The following SLC24A2 variants were observed in gnomAD, a reference collection of about 807,000 sequenced individuals.
The protein encoded by SLC24A2 is sodium/potassium/calcium exchanger 2.
SLC24A2 carries 36 observed loss-of-function variants against 62.0 expected under a neutral mutation model. The ratio of observed to expected loss-of-function variants is 0.58; its 90% CI spans 0.44 to 0.77. The LOEUF (loss-of-function observed/expected upper bound fraction) is 0.77. Ranked by LOEUF, SLC24A2 falls within the 30% of genes least tolerant of loss-of-function variation. The probability of loss-of-function intolerance (pLI) is 0.00; values close to 1 mark genes in which losing one functional copy is unlikely to be tolerated. For missense variants in SLC24A2, 846 were observed against 817.9 expected (o/e 1.03, Z -0.42); for synonymous variants, 358 against 294.0 (o/e 1.22, Z -2.23).
chr9:19,524,208 T>C (rs1341659919), intron 9 of SLC24A2, among the ~76,000 whole-genome samples: 1 of 149,598 alleles, frequency 6.7e-6, no homozygotes, highest in African/African-American at 2.5e-5. Context: ...GCTCCCAATA[T>C]TTTGTGATGC....
At chr9:20,048,259 G>A in the SLC24A2 span, among the ~76,000 whole-genome samples, 7 of 152,282 alleles carry the variant, frequency 4.6e-5, no homozygotes, top group East Asian at 9.6e-4. Context: ...AATAGTTGTT[G>A]ACATTAAAAC....
At chr9:19,591,895 C>G (rs115235746) in intron 5 of SLC24A2, among the ~76,000 whole-genome samples, 2,133 of 152,302 alleles carry the variant, frequency 0.014, 50 homozygotes, top group African/African-American at 0.049. Flanking sequence ...GTGTATGACA[C>G]AATCTCATCC....
At chr9:19,767,911 G>A (rs1822568779) in intron 2 of SLC24A2, among the ~76,000 whole-genome samples, 1 of 152,216 alleles carries the variant, frequency 6.6e-6, no homozygotes, top group South Asian at 2.1e-4. Context: ...TCTAGAGGCT[G>A]CACCTGCTAA....
chr9:20,125,716 T>A, the SLC24A2 span, among the ~76,000 whole-genome samples: 1 of 152,130 alleles, frequency 6.6e-6, no homozygotes, highest in Non-Finnish European at 1.5e-5. Context: ...CTCTAGCCCA[T>A]GGTGGTGAGG....
At chr9:19,547,484 C>A (rs113067155) in intron 8 of SLC24A2, among the ~76,000 whole-genome samples, 2 of 152,136 alleles carry the variant, frequency 1.3e-5, no homozygotes, top group Admixed American at 6.5e-5. Flanking sequence ...CCAAAAGTTA[C>A]CAGTTAGGAA....
At chr9:20,267,342 A>G in the SLC24A2 span, among the ~76,000 whole-genome samples, 1 of 152,168 alleles carries the variant, frequency 6.6e-6, no homozygotes, top group Non-Finnish European at 1.5e-5. Flanking sequence ...TAAGTTTGGA[A>G]TAAGAATATG....
chr9:20,160,421 C>T, the SLC24A2 span, among the ~76,000 whole-genome samples: 2 of 151,178 alleles, frequency 1.3e-5, no homozygotes, highest in Non-Finnish European at 1.5e-5. Context: ...TATAAAAACC[C>T]TAAAAATTAT....
chr9:20,094,224 G>T, the SLC24A2 span, among the ~76,000 whole-genome samples: 1 of 152,176 alleles, frequency 6.6e-6, no homozygotes, highest in Non-Finnish European at 1.5e-5. Flanking sequence ...ACAGAAGAAT[G>T]ACTATCTTGA....
the SLC24A2 span, among the ~76,000 whole-genome samples, chr9:19,916,339 G>A: frequency 4.6e-5 from 7 of 152,090 alleles, no homozygotes; most frequent in Admixed American, 6.5e-5. Context: ...TGAGAAGTGC[G>A]AGTCCTCCAA....
At chr9:20,239,910 A>C in the SLC24A2 span, among the ~76,000 whole-genome samples, 1 of 150,716 alleles carries the variant, frequency 6.6e-6, no homozygotes, top group Non-Finnish European at 1.5e-5. Context: ...GTTGATTCGA[A>C]CCAGCTGTGA....
upstream of SLC24A2, among the ~76,000 whole-genome samples, chr9:19,789,570 G>A (rs895286334): frequency 1.3e-5 from 2 of 152,184 alleles, no homozygotes; most frequent in Admixed American, 1.3e-4. Context: ...ATGAAAGTGA[G>A]ACCCAAAACC....
intron 8 of SLC24A2, among the ~76,000 whole-genome samples, chr9:19,534,018 G>A (rs1233978445): frequency 6.6e-6 from 1 of 151,124 alleles, no homozygotes; most frequent in Non-Finnish European, 1.5e-5. Flanking sequence ...TAGCTTTTTT[G>A]ATGGTTATCT....
the SLC24A2 span, among the ~76,000 whole-genome samples, chr9:19,895,554 T>TTTTTTG: frequency 6.9e-6 from 1 of 145,616 alleles, no homozygotes; most frequent in Admixed American, 6.6e-5. Context: ...TTCTTTTTTT[T>TTTTTTG]TTTTTTTTTA....
chr9:19,545,125 C>G (rs1237198200), intron 8 of SLC24A2, among the ~76,000 whole-genome samples: 2 of 151,740 alleles, frequency 1.3e-5, no homozygotes, highest in African/African-American at 4.8e-5. Flanking sequence ...TTGTTTGATC[C>G]CTTTCATCCT....
the SLC24A2 span, among the ~76,000 whole-genome samples, chr9:19,904,944 A>C: frequency 6.6e-6 from 1 of 152,212 alleles, no homozygotes; most frequent in Non-Finnish European, 1.5e-5. Flanking sequence ...TAAAGAATTA[A>C]TCTTAGAGGA....
At chr9:19,575,146 T>C (rs1835969635) in intron 6 of SLC24A2, among the ~76,000 whole-genome samples, 1 of 152,218 alleles carries the variant, frequency 6.6e-6, no homozygotes, top group Admixed American at 6.5e-5. Context: ...TAGATTTAAA[T>C]ACGGAAAACC....
In SLC24A2 at chr9:19,516,234, G is replaced by T; in HGVS notation, c.1905C>A (p.Ile635=). ...KWRMNKILGF[I]MFGLYFVFLV... is the part of the protein sequence containing the mutation. Reference sequence around the variant, plus strand: ...GGAACACAAAGTAGAGGCCAAACATGATGAAGCCCAGGATTTTGTTCATTC... The same window carrying T: ...GGAACACAAAGTAGAGGCCAAACATTATGAAGCCCAGGATTTTGTTCATTC... The change falls in exon 11 of 11, where the codon ATC becomes ATA. Residue 635 remains isoleucine (I), a synonymous_variant. Transcript: ENST00000341998. 1 of 1,614,216 alleles carries T rather than the reference G, an allele frequency of 6.2e-7. No individual in the cohort carries two copies. The highest frequency in any genetic ancestry group is 8.5e-7 in the Non-Finnish European group (1 of 1,180,032).
At chr9:20,097,824 G>T in the SLC24A2 span, among the ~76,000 whole-genome samples, 2 of 128,530 alleles carry the variant, frequency 1.6e-5, no homozygotes, top group South Asian at 5.3e-4. Flanking sequence ...CTCACTGCAA[G>T]CTCCGCCTCC....
chr9:19,867,377 A>G, the SLC24A2 span, among the ~76,000 whole-genome samples: 82 of 152,340 alleles, frequency 5.4e-4, 1 homozygote, highest in Admixed American at 1.9e-3. Flanking sequence ...AGGATTATTC[A>G]GAATTCCCAT....
Sources: allele counts gnomAD v4.1 joint callset (sites outside exome capture counted in the v4.1 genomes callset), GRCh38; gene constraint gnomAD v4.1.1; transcripts MANE v1.5; gene names NCBI Gene and HGNC (gene_info 2026-07-23, HGNC 2026-07-21).